Variants in NCAM2 observed in about 807,000 individuals in gnomAD.
The protein encoded by NCAM2 is neural cell adhesion molecule 2.
Under a neutral mutation model 98.1 loss-of-function variants are expected in NCAM2, and 30 were observed. The ratio of observed to expected loss-of-function variants is 0.31; its 90% CI spans 0.23 to 0.41. The LOEUF is 0.41. Among genes scored for constraint, NCAM2 ranks in the 10% least tolerant of loss-of-function variants. The probability of loss-of-function intolerance (pLI) is 1.00; values close to 1 mark genes in which losing one functional copy is unlikely to be tolerated. For synonymous variants in NCAM2, 368 were observed against 342.4 expected (o/e 1.07, Z -0.83); for missense variants, 867 against 1,005.8 (o/e 0.86, Z 1.87).
chr21:21,335,134 A>G (rs1207440403), intron 6 of NCAM2, among the ~76,000 whole-genome samples: 2 of 152,094 alleles, frequency 1.3e-5, no homozygotes, highest in Non-Finnish European at 2.9e-5. Flanking sequence ...ATAAATATAT[A>G]TAATAAATAT....
chr21:21,302,547 A>G (rs1272610568), intron 5 of NCAM2, among the ~76,000 whole-genome samples: 2 of 152,150 alleles, frequency 1.3e-5, no homozygotes, highest in Admixed American at 6.6e-5. Flanking sequence ...TCAAAACCAC[A>G]ATGAGATACT....
intron 5 of NCAM2, among the ~76,000 whole-genome samples, chr21:21,302,338 A>C (rs1212344428): frequency 6.6e-6 from 1 of 152,088 alleles, no homozygotes; most frequent in African/African-American, 2.4e-5. Context: ...GCGTATGACC[A>C]GCCAGTTATC....
chr21:21,233,902 A>G (rs989532684), intron 1 of NCAM2, among the ~76,000 whole-genome samples: 26 of 151,930 alleles, frequency 1.7e-4, no homozygotes, highest in Admixed American at 1.6e-3. Context: ...ACCATTATCA[A>G]TAGAAATACC....
At chr21:21,450,361 G>A (rs890780416) in intron 12 of NCAM2, among the ~76,000 whole-genome samples, 3 of 151,430 alleles carry the variant, frequency 2.0e-5, no homozygotes, top group African/African-American at 4.9e-5. Flanking sequence ...TTATAAATTA[G>A]GAGACAGGGT....
chr21:21,238,355 T>TGAATTTATTTTAAATTTAAAATA (rs2070928742), intron 1 of NCAM2, among the ~76,000 whole-genome samples: 1 of 152,204 alleles, frequency 6.6e-6, no homozygotes, highest in Non-Finnish European at 1.5e-5. Flanking sequence ...TTTAAAATAA[T>TGAATTTATTTTAAATTTAAAATA]ACATACATTT....
At chr21:21,489,118 G>A (rs1569113606) in intron 15 of NCAM2, among the ~76,000 whole-genome samples, 1 of 152,004 alleles carries the variant, frequency 6.6e-6, no homozygotes, top group African/African-American at 2.4e-5. Flanking sequence ...GGCCTGCCTA[G>A]TAGCTGGGTG....
intron 9 of NCAM2, among the ~76,000 whole-genome samples, chr21:21,405,102 A>G (rs1040196724): frequency 1.3e-5 from 2 of 151,954 alleles, no homozygotes; most frequent in African/African-American, 4.8e-5. Context: ...CAAATATATT[A>G]TTATTATACT....
chr21:21,326,320 T>C (rs2074510266), intron 6 of NCAM2, among the ~76,000 whole-genome samples: 1 of 152,228 alleles, frequency 6.6e-6, no homozygotes, highest in South Asian at 2.1e-4. Context: ...ATGTTGATGT[T>C]AAGTTATGCA....
chr21:21,322,997 T>G (rs1215132008), intron 5 of NCAM2, among the ~76,000 whole-genome samples: 1 of 152,124 alleles, frequency 6.6e-6, no homozygotes, highest in Non-Finnish European at 1.5e-5. Context: ...AAGCGTTGAC[T>G]ACTTAACACA....
chr21:21,250,270 C>T (rs971393002), intron 1 of NCAM2, among the ~76,000 whole-genome samples: 2 of 152,168 alleles, frequency 1.3e-5, no homozygotes, highest in Non-Finnish European at 2.9e-5. Flanking sequence ...AAATTTGTTA[C>T]AAGCACTATG....
At chr21:21,480,553 G>T (rs180904248) in intron 15 of NCAM2, among the ~76,000 whole-genome samples, 10 of 152,092 alleles carry the variant, frequency 6.6e-5, no homozygotes, top group Admixed American at 6.5e-4. Flanking sequence ...AAGAGAACCT[G>T]GAAGTGTGTG....
chr21:21,485,947 T>C (rs1200041868), intron 15 of NCAM2, among the ~76,000 whole-genome samples: 2 of 152,142 alleles, frequency 1.3e-5, no homozygotes, highest in Non-Finnish European at 2.9e-5. Context: ...TCAACTGCTA[T>C]CCTTTCTTGT....
At chr21:21,183,527 G>T (rs1487578759) in intron 1 of NCAM2, among the ~76,000 whole-genome samples, 1 of 152,112 alleles carries the variant, frequency 6.6e-6, no homozygotes, top group East Asian at 1.9e-4. Flanking sequence ...AATGGTAAGG[G>T]GAGAGACCTT....
intron 9 of NCAM2, among the ~76,000 whole-genome samples, 158 bp downstream of exon 9, chr21:21,374,171 A>T (rs1363928885): frequency 6.6e-6 from 1 of 151,806 alleles, no homozygotes; most frequent in Admixed American, 6.6e-5. Flanking sequence ...GTTATTGGAG[A>T]CATCTAGTGG....
At chr21:21,505,834 T>A (rs2826869) in intron 15 of NCAM2, among the ~76,000 whole-genome samples, 62,102 of 151,786 alleles carry the variant, frequency 0.41, 14,103 homozygotes, top group Middle Eastern at 0.56. Context: ...TGCTGGAGGT[T>A]AAGTACATTA....
rs550578926 is a variant in NCAM2, at chr21:21,412,431, A to C, written c.1383+1970A>C. 3.9e-4 allele frequency among the ~76,000 whole-genome samples: 60 copies of C among 152,310 alleles called. No individual in the cohort carries two copies. The South Asian group carries it at 0.012, about 32-fold the overall frequency. On this transcript the variant is annotated intron_variant, in intron 10 of 17. Coordinates refer to ENST00000400546, the MANE Select transcript of NCAM2 (RefSeq NM_004540.5). Reference sequence around the variant, plus strand: ...AGGAGGCGGGCAGTTCAGTCCATAGAAAGTAGATTGAATTTCGTGAGTAAA... The same window carrying C: ...AGGAGGCGGGCAGTTCAGTCCATAGCAAGTAGATTGAATTTCGTGAGTAAA...
At chr21:21,289,908 T>TTA (rs1262270711) in intron 4 of NCAM2, among the ~76,000 whole-genome samples, 1 of 151,970 alleles carries the variant, frequency 6.6e-6, no homozygotes, top group African/African-American at 2.4e-5. Flanking sequence ...CTCAGAATAG[T>TTA]TCAGGTCCTA....
chr21:21,380,663 A>G (rs2076134295), intron 9 of NCAM2, among the ~76,000 whole-genome samples: 3 of 151,860 alleles, frequency 2.0e-5, no homozygotes. Flanking sequence ...TTCTCACATC[A>G]TATCACTCTG....
chr21:21,452,168 C>CCACA lies in NCAM2; in HGVS notation c.1655-14413_1655-14410dup, dbSNP rs10591491. 1.2e-3 allele frequency among the ~76,000 whole-genome samples: 177 copies of CCACA among 144,962 alleles called. 1 individual carries two copies. The Middle Eastern group carries it at 0.014, about 12-fold the overall frequency. ...CCTCTGATTTATAAATGTGAACTGA[C>CCACA]CACACACACACACACACACACACAC... On this transcript the variant is annotated intron_variant, in intron 12 of 17. Transcript: ENST00000400546.
Sources: gnomAD v4.1 joint callset for allele counts (sites outside exome capture counted in the v4.1 genomes callset) on GRCh38, gnomAD v4.1.1 for gene constraint, MANE v1.5 for transcripts, NCBI Gene and HGNC (gene_info 2026-07-23, HGNC 2026-07-21) for gene names.